The following DEPDC5 variants were observed in gnomAD, a reference collection of about 807,000 sequenced individuals.
DEPDC5 encodes the protein DEP domain containing 5, GATOR1 subcomplex subunit.
Under a neutral mutation model 217.3 loss-of-function variants are expected in DEPDC5, and 73 were observed. That is an observed-to-expected ratio of 0.34 (90% CI 0.28 to 0.41). The LOEUF (loss-of-function observed/expected upper bound fraction) is 0.41, where lower values mean the gene tolerates loss of function less well. Ranked by LOEUF, DEPDC5 falls within the 10% of genes least tolerant of loss-of-function variation. DEPDC5 has a pLI of 1.00. For missense variants in DEPDC5, 1,675 were observed against 2,070.1 expected (o/e 0.81, Z 3.70); for synonymous variants, 733 against 756.7 (o/e 0.97, Z 0.51).
intron 11 of DEPDC5, 102 bp downstream of exon 11, chr22:31,792,204 C>T (rs560664634): frequency 6.0e-6 from 5 of 827,812 alleles, no homozygotes; most frequent in Non-Finnish European, 8.0e-6. Flanking sequence ...ACTTTTCCAC[C>T]CTTCCCATCT....
At chr22:31,813,274 C>T (rs988575271) in intron 20 of DEPDC5, among the ~76,000 whole-genome samples, 9 of 152,092 alleles carry the variant, frequency 5.9e-5, no homozygotes, top group African/African-American at 1.9e-4. Flanking sequence ...TCTTTGTAGT[C>T]TTTAAAAATG....
At chr22:31,796,837 C>A (rs1601917520) in intron 12 of DEPDC5, among the ~76,000 whole-genome samples, 1 of 151,670 alleles carries the variant, frequency 6.6e-6, no homozygotes, top group Non-Finnish European at 1.5e-5. Context: ...GCTGGGATTA[C>A]AGGTGCCTGC....
intron 32 of DEPDC5, among the ~76,000 whole-genome samples, chr22:31,861,017 C>G (rs993190787): frequency 6.6e-6 from 1 of 152,042 alleles, no homozygotes; most frequent in Non-Finnish European, 1.5e-5. Flanking sequence ...TGAGAGCATC[C>G]AAGCCACACT....
intron 12 of DEPDC5, among the ~76,000 whole-genome samples, chr22:31,793,850 G>A (rs1475020282): frequency 2.0e-5 from 3 of 152,220 alleles, no homozygotes; most frequent in East Asian, 3.9e-4. Flanking sequence ...GATTACAGGC[G>A]GGAGCCACCA....
At chr22:31,854,989 G>A (rs183001691) in intron 31 of DEPDC5, among the ~76,000 whole-genome samples, 3 of 148,048 alleles carry the variant, frequency 2.0e-5, no homozygotes, top group Non-Finnish European at 4.4e-5. Flanking sequence ...TTTTAAGACA[G>A]AGTCTTGTTG....
chr22:31,858,771 TA>T (rs1363954286), intron 32 of DEPDC5: 1 of 152,242 alleles, frequency 6.6e-6, no homozygotes, highest in African/African-American at 2.4e-5. Flanking sequence ...TGATTTTTGG[TA>T]TTTTTCTATA....
At chr22:31,860,155 C>CTGAA (rs1277032717) in intron 32 of DEPDC5, among the ~76,000 whole-genome samples, 1 of 152,164 alleles carries the variant, frequency 6.6e-6, no homozygotes, top group Non-Finnish European at 1.5e-5. Context: ...AAGTAAACTC[C>CTGAA]TGAATAGTCA....
At position 31,906,327 on chromosome 22, in the gene DEPDC5, T is replaced by C; in HGVS notation, c.4642T>C (p.Trp1548Arg). 1 of 1,613,988 alleles carries C rather than the reference T, an allele frequency of 6.2e-7. No homozygotes were observed. Residue 1548 changes from tryptophan (W) to arginine (R), a missense_variant, in exon 43 of 43, where the codon TGG becomes CGG. Transcript: ENST00000651528. This position sits in a 1 kb window ranked among gnomAD's most constrained non-coding sequence, Gnocchi z 5.1. The stretch of plus-strand genomic sequence containing the variant: ...CTGCGAGGAGCGGGTCGGCTACAAC[T>C]GGGCCTACAACACCATGCTCACCAA... ...MFCEERVGYNWAYNTMLTKTW... is the reference protein window; with the variant it reads ...MFCEERVGYNRAYNTMLTKTW...
intron 24 of DEPDC5, among the ~76,000 whole-genome samples, chr22:31,827,567 T>C (rs1384417283): frequency 6.6e-6 from 1 of 152,166 alleles, no homozygotes; most frequent in Non-Finnish European, 1.5e-5. Flanking sequence ...TAAAATAGAA[T>C]TTGGATTATG....
At position 31,758,629 on chromosome 22, in the gene DEPDC5, T is replaced by C; in HGVS notation, c.142T>C (p.Tyr48His). 2 of 1,613,912 alleles carry C rather than the reference T, an allele frequency of 1.2e-6. No individual in the cohort carries two copies. The highest frequency in any genetic ancestry group is 1.7e-6 in the Non-Finnish European group (2 of 1,179,814). The change falls in exon 3 of 43, where the codon TAC becomes CAC. Residue 48 changes from tyrosine (Y) to histidine (H), a missense_variant. Tyr to His is a moderately conservative substitution (Grantham distance 83). This residue lies in a region of DEPDC5 where 628 missense variants were observed against 762.1 expected (regional missense o/e 0.82). Transcript: ENST00000651528. Reference sequence around the variant, plus strand: ...AGAGATTGCACACCCCAACGATGAATACAGGTGAGTGTCTCATAGGATCCA... The same window carrying C: ...AGAGATTGCACACCCCAACGATGAACACAGGTGAGTGTCTCATAGGATCCA... ...IVEIAHPNDEYSPLLLQVKSL... is the reference protein window; with the variant it reads ...IVEIAHPNDEHSPLLLQVKSL...
chr22:31,892,873 ATTTTTTTTTT>A (rs948740613), intron 38 of DEPDC5, among the ~76,000 whole-genome samples: 3 of 120,084 alleles, frequency 2.5e-5, no homozygotes, highest in Non-Finnish European at 3.4e-5. Flanking sequence ...TTGGTGGTGT[ATTTTTTTTTT>A]TTTTTTTTTT....
At chr22:31,769,577 A>C (rs537174137) in intron 7 of DEPDC5, 2 of 152,156 alleles carry the variant, frequency 1.3e-5, no homozygotes, top group Admixed American at 6.6e-5. Context: ...AACTATTTCT[A>C]TATTTTAGTT....
At chr22:31,892,078 T>C (rs113040219) in intron 38 of DEPDC5, among the ~76,000 whole-genome samples, 2,182 of 152,334 alleles carry the variant, frequency 0.014, 19 homozygotes, top group Middle Eastern at 0.031. Flanking sequence ...ACTACTGTCT[T>C]CCTGGGTTGA....
Position 31,868,818 on chromosome 22 carries a change from GT to G in DEPDC5, c.3331-1770del, listed in dbSNP as rs541986822. On this transcript the variant is annotated intron_variant, in intron 33 of 42. Coordinates refer to ENST00000651528, the MANE Select transcript of DEPDC5 (RefSeq NM_001242896.3). Reference sequence around the variant, plus strand: ...GTACCTAAAAACCTCAAGTTAGGAGGTTCTAAGAGCCTTACACTTTTCCAGA... The same window carrying G: ...GTACCTAAAAACCTCAAGTTAGGAGGTCTAAGAGCCTTACACTTTTCCAGA... Among the ~76,000 whole-genome samples the G allele has an allele frequency of 2.2e-4, 34 of 152,280 alleles. No individual in the cohort carries two copies. In the South Asian group the frequency reaches 5.0e-3, roughly 22 times the overall value.
chr22:31,804,037 G>T (rs1271560819), intron 15 of DEPDC5, 125 bp from the exon 16 acceptor site: 7 of 851,684 alleles, frequency 8.2e-6, no homozygotes, highest in Non-Finnish European at 1.1e-5. Flanking sequence ...GCACTATGAG[G>T]TTATAAATCA....
intron 29 of DEPDC5, chr22:31,844,758 G>T: frequency 1.4e-5 from 3 of 212,116 alleles, no homozygotes; most frequent in Admixed American, 1.1e-4. Context: ...GTCTCGCCAT[G>T]TTCCCCAAGC....
Position 31,901,653 on chromosome 22 carries a change from A to G in DEPDC5, c.4376-89A>G, listed in dbSNP as rs374721789. 27 of 1,168,852 alleles carry G rather than the reference A, an allele frequency of 2.3e-5. 1 individual carries two copies. In the East Asian group the frequency reaches 3.9e-4, roughly 17 times the overall value. 72.4% of individuals were successfully genotyped at this position (1,168,852 alleles called of 1,614,324 possible). On this transcript the variant is annotated intron_variant, in intron 40 of 42. Transcript: ENST00000651528. ...GTTAGGCTCAAGGGGACTGATTGCCAAGAGTAGTAAAGGGTACAGAAGACT... is the reference window on the plus strand; with the variant it reads ...GTTAGGCTCAAGGGGACTGATTGCCGAGAGTAGTAAAGGGTACAGAAGACT...
At chr22:31,766,826 CTGTTCTTT>C (rs1185577400) in intron 6 of DEPDC5, among the ~76,000 whole-genome samples, 158 bp downstream of exon 6, 1 of 152,118 alleles carries the variant, frequency 6.6e-6, no homozygotes, top group Non-Finnish European at 1.5e-5. Flanking sequence ...TCTCTTTTCA[CTGTTCTTT>C]TGATCTTTTG....
In DEPDC5 at chr22:31,833,985, G is replaced by T. The variant is rs1183852115; in HGVS notation, c.2170+5G>T. 6.2e-7 allele frequency: 1 copy of T among 1,613,716 alleles called. No individual in the cohort carries two copies. Among genetic ancestry groups the T allele is most frequent in the African/African-American group, 1.3e-5 (1 of 75,010 alleles). On this transcript the variant is annotated splice_donor_5th_base_variant and intron_variant, in intron 25 of 42. Coordinates refer to ENST00000651528, the MANE Select transcript of DEPDC5 (RefSeq NM_001242896.3). ...TTTCTACCTCTCCAGACCCAAGTAA[G>T]AGGGGGCAGCTGACTGGGGAAAGGG...
Sources: gnomAD v4.1 joint callset for allele counts (sites outside exome capture counted in the v4.1 genomes callset) on GRCh38, gnomAD v4.1.1 for gene constraint, gnomAD v4.1.1 regional missense constraint, Gnocchi (gnomAD v3.1) non-coding constraint, MANE v1.5 for transcripts, NCBI Gene and HGNC (gene_info 2026-07-23, HGNC 2026-07-21) for gene names.